GRIP1: variants seen among roughly 807,000 people sequenced by gnomAD.
GRIP1 encodes glutamate receptor interacting protein 1, also known as glutamate receptor-interacting protein 1.
A neutral mutation model predicts 129.9 loss-of-function variants in GRIP1; 45 were observed. That is an observed-to-expected ratio of 0.35 (90% CI 0.27 to 0.44). The LOEUF is 0.44. Among genes scored for constraint, GRIP1 ranks in the 20% least tolerant of loss-of-function variants. The pLI, the probability that GRIP1 is intolerant of heterozygous loss-of-function variation, is 1.00. For synonymous variants in GRIP1, 530 were observed against 520.8 expected, an observed-to-expected ratio of 1.02 and a Z score of -0.24; for missense variants, 1,196 against 1,396.8, an observed-to-expected ratio of 0.86 and a Z score of 2.29.
chr12:66,358,937 G>A, intron 23 of GRIP1, among the ~76,000 whole-genome samples: 1 of 152,186 alleles, frequency 6.6e-6, no homozygotes, highest in East Asian at 1.9e-4. Flanking sequence ...TCCTGCTTAT[G>A]TCCCACTCTG....
Position 67,024,951 on chromosome 12 carries a change from A to C in GRIP1, c.58+44099T>G, listed in dbSNP as rs115688493. Among the ~76,000 whole-genome samples the C allele has an allele frequency of 4.4e-3, 670 of 152,322 alleles. 4 individuals are homozygous for C. The highest frequency in any genetic ancestry group is 0.016 in the African/African-American group (647 of 41,570). ...TTGTTTTTCTTTCATTTAGTCCAGG[A>C]GATCCCTTCAAAAGTCTTGGCTGAA... On this transcript the variant is annotated intron_variant, in intron 1 of 1. Transcript: ENST00000643019.
chr12:66,634,161 G>A (rs1215108611), intron 1 of GRIP1, among the ~76,000 whole-genome samples: 3 of 152,064 alleles, frequency 2.0e-5, no homozygotes, highest in African/African-American at 7.2e-5. Flanking sequence ...TTCATTCCAC[G>A]AAAAGATTTC....
intron 1 of GRIP1, among the ~76,000 whole-genome samples, chr12:67,012,820 T>C (rs1364540659): frequency 6.6e-6 from 1 of 152,186 alleles, no homozygotes; most frequent in African/African-American, 2.4e-5. Flanking sequence ...TGTTTAGGAC[T>C]GAGAGATAAA....
At chr12:67,036,535 T>A (rs113950003) in intron 1 of GRIP1, among the ~76,000 whole-genome samples, 227 of 152,192 alleles carry the variant, frequency 1.5e-3, no homozygotes, top group Non-Finnish European at 3.0e-3. Context: ...TTCATCATGT[T>A]GGCCAGGCTG....
At chr12:66,683,432 C>T (rs2034661433), upstream of GRIP1, among the ~76,000 whole-genome samples, 1 of 152,144 alleles carries the variant, frequency 6.6e-6, no homozygotes, top group African/African-American at 2.4e-5. Context: ...TTTGCTGACA[C>T]AGGTTCTAAG....
intron 1 of GRIP1, among the ~76,000 whole-genome samples, chr12:66,723,228 C>T (rs10748060): frequency 0.033 from 422 of 12,976 alleles, 22 homozygotes; most frequent in Middle Eastern, 0.11. Flanking sequence ...CTTTCTTTCT[C>T]TCTCTCTCTC....
chr12:66,865,949 T>A (rs936863846), intron 1 of GRIP1, among the ~76,000 whole-genome samples: 3 of 152,088 alleles, frequency 2.0e-5, no homozygotes, highest in African/African-American at 7.2e-5. Flanking sequence ...CAGAAGAAAA[T>A]TGAGATTAAC....
chr12:66,924,134 C>T (rs1183830591), intron 1 of GRIP1, among the ~76,000 whole-genome samples: 1 of 152,168 alleles, frequency 6.6e-6, no homozygotes, highest in Non-Finnish European at 1.5e-5. Flanking sequence ...CATGAGCCAC[C>T]ATGCCCAGCC....
At position 66,678,998 on chromosome 12, in the gene GRIP1, C is replaced by G; in HGVS notation, c.-94G>C. ...GCATATGAATTCCTTGCGCACATAC[C>G]AGGAGAAAGGTAGTCCCAGTGGGGA... On this transcript the variant is annotated 5_prime_UTR_variant, in exon 1 of 25. Transcript: ENST00000359742. 1 of 1,600,010 alleles carries G rather than the reference C, an allele frequency of 6.2e-7. No individual in the cohort carries two copies.
At chr12:66,361,578 CA>C (rs1225053391) in intron 23 of GRIP1, among the ~76,000 whole-genome samples, 1 of 152,228 alleles carries the variant, frequency 6.6e-6, no homozygotes, top group East Asian at 1.9e-4. Flanking sequence ...AACCAAGCTG[CA>C]AGCAAGCAGC....
chr12:66,491,797 TGCC>T (rs1167355154), intron 7 of GRIP1, among the ~76,000 whole-genome samples: 5 of 152,214 alleles, frequency 3.3e-5, no homozygotes, highest in Admixed American at 6.5e-5. Context: ...TGAAAATACT[TGCC>T]ACCAAGGCAA....
At position 66,523,881 on chromosome 12, in the gene GRIP1, A is replaced by G. The variant is rs1428284452; in HGVS notation, c.503-5905T>C. 2.0e-5 allele frequency among the ~76,000 whole-genome samples: 3 copies of G among 152,348 alleles called. No homozygotes were observed. In the East Asian group the frequency reaches 5.8e-4, roughly 29 times the overall value. On this transcript the variant is annotated intron_variant, in intron 5 of 24. Coordinates refer to ENST00000359742, the MANE Select transcript of GRIP1 (RefSeq NM_001366722.1). ...AAAAAAAGGCAGGGGTTGCAATCCT[A>G]GTCTCTGATTAAACAGACTTTAAAC...
At chr12:66,553,068 C>T (rs1194617824) in intron 2 of GRIP1, among the ~76,000 whole-genome samples, 1 of 152,176 alleles carries the variant, frequency 6.6e-6, no homozygotes, top group African/African-American at 2.4e-5. Flanking sequence ...CCATTCTCTC[C>T]TGGCCCCTCT....
intron 2 of GRIP1, among the ~76,000 whole-genome samples, chr12:66,554,506 A>G (rs1319018858): frequency 1.3e-5 from 2 of 152,004 alleles, no homozygotes; most frequent in African/African-American, 4.8e-5. Flanking sequence ...CTGCTTGAGA[A>G]AAACAGAGGA....
At chr12:66,976,126 A>AT (rs988171727) in intron 1 of GRIP1, among the ~76,000 whole-genome samples, 1 of 152,146 alleles carries the variant, frequency 6.6e-6, no homozygotes, top group Non-Finnish European at 1.5e-5. Flanking sequence ...GAGTATGTAG[A>AT]TTTTAAATTT....
At chr12:66,796,730 T>G (rs2038710673) in intron 1 of GRIP1, among the ~76,000 whole-genome samples, 1 of 152,148 alleles carries the variant, frequency 6.6e-6, no homozygotes, top group South Asian at 2.1e-4. Flanking sequence ...AAGTAATTGC[T>G]GAATGAATAA....
At position 66,349,110 on chromosome 12, in the gene GRIP1, G is replaced by A; in HGVS notation, c.3296C>T (p.Pro1099Leu). 6.2e-7 allele frequency: 1 copy of A among 1,613,976 alleles called. No individual in the cohort carries two copies. The highest frequency in any genetic ancestry group is 2.2e-5 in the East Asian group (1 of 44,882). The change falls in exon 25 of 25, where the codon CCA (proline) becomes CTA (leucine). Residue 1099 changes from proline (P) to leucine (L), a missense_variant. Pro to Leu is a moderately conservative substitution (Grantham distance 98, BLOSUM62 -3). Transcript: ENST00000359742. Reference sequence around the variant, plus strand: ...ACTGTTCTGTTCACTCCAATCTCCTGGTAGACTCTGTTGGTCTATAGACTT... The same window carrying A: ...ACTGTTCTGTTCACTCCAATCTCCTAGTAGACTCTGTTGGTCTATAGACTT... ...SQKSIDQQSL[P>L]GDWSEQNSAF...
chr12:66,351,446 T>C (rs1192070803), intron 24 of GRIP1, among the ~76,000 whole-genome samples: 1 of 152,126 alleles, frequency 6.6e-6, no homozygotes, highest in African/African-American at 2.4e-5. Context: ...TTGTGAGAGA[T>C]ACTGAGATAT....
rs79724477 is a variant in GRIP1, at chr12:66,611,785, C to A, written c.56-14858G>T. ...GTTGGAAATGTGAGAGAAGGCAATT[C>A]TTTATTTTTCTTCTACGGTTTATAC... On this transcript the variant is annotated intron_variant, in intron 1 of 24. Transcript: ENST00000359742. Among the ~76,000 whole-genome samples the A allele has an allele frequency of 8.0e-3, 669 of 83,154 alleles. 8 individuals carry two copies. Among genetic ancestry groups the A allele is most frequent in the African/African-American group, 0.03 (638 of 21,208 alleles). 54.6% of individuals were successfully genotyped at this position (83,154 alleles called of 152,430 possible).
Sources: allele counts gnomAD v4.1 joint callset (sites outside exome capture counted in the v4.1 genomes callset), GRCh38; gene constraint gnomAD v4.1.1; transcripts MANE v1.5; gene names NCBI Gene and HGNC (gene_info 2026-07-23, HGNC 2026-07-21).